Variants in PTPRD observed in about 807,000 individuals in gnomAD.
PTPRD encodes receptor-type tyrosine-protein phosphatase delta.
A neutral mutation model predicts 214.5 loss-of-function variants in PTPRD; 34 were observed. That is an observed-to-expected ratio of 0.16 (90% confidence interval 0.12 to 0.21). PTPRD has a LOEUF of 0.21. Ranked by LOEUF, PTPRD falls within the 10% of genes least tolerant of loss-of-function variation. PTPRD has a pLI of 1.00. For synonymous variants in PTPRD, 1,128 were observed against 845.7 expected, an observed-to-expected ratio of 1.33 and a Z score of -5.79; for missense variants, 2,545 against 2,398.7, an observed-to-expected ratio of 1.06 and a Z score of -1.27.
chr9:8,740,249 C>A (rs1025158018), intron 11 of PTPRD, among the ~76,000 whole-genome samples: 1 of 151,946 alleles, frequency 6.6e-6, no homozygotes, highest in Admixed American at 6.6e-5. Context: ...ATAGTGTTAA[C>A]GAATGTTCCT....
At chr9:9,931,323 T>C (rs1217261150) in intron 5 of PTPRD, among the ~76,000 whole-genome samples, 16 of 152,320 alleles carry the variant, frequency 1.1e-4, no homozygotes, top group African/African-American at 3.1e-4. Context: ...ACAGGGTTCA[T>C]CTCACTAGGG....
At chr9:9,964,543 A>T (rs551046456) in intron 4 of PTPRD, among the ~76,000 whole-genome samples, 1 of 152,332 alleles carries the variant, frequency 6.6e-6, no homozygotes, top group South Asian at 2.1e-4. Context: ...ACTCAGTGGA[A>T]ACGGGAGGAA....
intron 17 of PTPRD, among the ~76,000 whole-genome samples, chr9:8,525,846 T>A (rs1274192230): frequency 6.6e-6 from 1 of 151,888 alleles, no homozygotes; most frequent in Middle Eastern, 3.4e-3. Context: ...AAACAAGAAT[T>A]ACAAAAGAAA....
At position 8,953,353 on chromosome 9, in the gene PTPRD, T is replaced by C. The variant is rs1371432768; in HGVS notation, c.-104+65344A>G. 2.6e-5 allele frequency among the ~76,000 whole-genome samples: 4 copies of C among 151,820 alleles called. No homozygotes were observed. In the East Asian group the frequency reaches 7.7e-4, roughly 29 times the overall value. On this transcript the variant is annotated intron_variant, in intron 11 of 45. Coordinates refer to ENST00000381196, the MANE Select transcript of PTPRD (RefSeq NM_002839.4). Reference sequence around the variant, plus strand: ...CTCTACCTATCATTATGAGCAAAAATTAACTAAGGATGGATTAAAGACCTC... The same window carrying C: ...CTCTACCTATCATTATGAGCAAAAACTAACTAAGGATGGATTAAAGACCTC...
intron 3 of PTPRD, among the ~76,000 whole-genome samples, chr9:10,278,478 T>C (rs774393568): frequency 6.6e-6 from 1 of 152,152 alleles, no homozygotes; most frequent in Admixed American, 6.5e-5. Flanking sequence ...AACTTCTGGC[T>C]TCATCTAATT....
At chr9:10,449,369 G>T (rs1357627591) in intron 2 of PTPRD, among the ~76,000 whole-genome samples, 2 of 151,908 alleles carry the variant, frequency 1.3e-5, no homozygotes, top group Non-Finnish European at 2.9e-5. Flanking sequence ...GGAGTGCAGT[G>T]GCGTGATCTC....
intron 2 of PTPRD, among the ~76,000 whole-genome samples, chr9:10,353,852 A>G (rs897643740): frequency 6.6e-6 from 1 of 151,998 alleles, no homozygotes; most frequent in African/African-American, 2.4e-5. Flanking sequence ...GCTTTGGAAA[A>G]CTACCACAAA....
chr9:9,458,698 T>A (rs932429469), intron 8 of PTPRD, among the ~76,000 whole-genome samples: 2 of 152,064 alleles, frequency 1.3e-5, no homozygotes, highest in Non-Finnish European at 1.5e-5. Flanking sequence ...CCCAGCACTT[T>A]GGGAGGTCAA....
In PTPRD at chr9:9,542,243, G is replaced by A. The variant is rs193240696; in HGVS notation, c.-237+32489C>T. 1.3e-3 allele frequency among the ~76,000 whole-genome samples: 190 copies of A among 151,798 alleles called. 1 individual carries two copies. Among genetic ancestry groups the A allele is most frequent in the African/African-American group, 4.2e-3 (173 of 41,494 alleles). On this transcript the variant is annotated intron_variant, in intron 8 of 45. Coordinates refer to ENST00000381196, the MANE Select transcript of PTPRD (RefSeq NM_002839.4). ...TAGAGAATATCTTGAGCAACTTTAT[G>A]CCAATAAATTGGGTAATTTAGGTGA...
At chr9:8,462,396 T>C (rs2096436840) in intron 32 of PTPRD, among the ~76,000 whole-genome samples, 1 of 152,014 alleles carries the variant, frequency 6.6e-6, no homozygotes, top group African/African-American at 2.4e-5. Context: ...GCTTCTTCCT[T>C]CCTCTCATAG....
At chr9:9,325,457 G>T (rs1969498245) in intron 9 of PTPRD, among the ~76,000 whole-genome samples, 1 of 152,074 alleles carries the variant, frequency 6.6e-6, no homozygotes, top group African/African-American at 2.4e-5. Flanking sequence ...TGTAGCCATT[G>T]TGAATGAGAG....
At chr9:8,331,448 C>A (rs1191799443) in intron 44 of PTPRD, 134 bp downstream of exon 44, 10 of 1,013,962 alleles carry the variant, frequency 9.9e-6, no homozygotes, top group African/African-American at 3.5e-5. Context: ...AAAGAGAAAT[C>A]AATCCTGCTT....
intron 7 of PTPRD, among the ~76,000 whole-genome samples, chr9:9,652,036 T>C (rs892923118): frequency 6.6e-6 from 1 of 151,442 alleles, no homozygotes; most frequent in Non-Finnish European, 1.5e-5. Flanking sequence ...AGAGACAGGG[T>C]TTCACCATGT....
chr9:8,364,471 G>A lies in PTPRD; in HGVS notation c.4661+11465C>T, dbSNP rs574953912. On this transcript the variant is annotated intron_variant, in intron 39 of 45. Coordinates refer to ENST00000381196, the MANE Select transcript of PTPRD (RefSeq NM_002839.4). ...TGCAGCTGGCTGGAGCCTGAGATGAGGAAATTGTAGCTGATGGGCCTCCCA... is the reference window on the plus strand; with the variant it reads ...TGCAGCTGGCTGGAGCCTGAGATGAAGAAATTGTAGCTGATGGGCCTCCCA... Among the ~76,000 whole-genome samples, 154 of 152,342 alleles carry A rather than the reference G, an allele frequency of 1.0e-3. 1 individual carries two copies. Among genetic ancestry groups the A allele is most frequent in the African/African-American group, 3.4e-3 (140 of 41,592 alleles).
intron 9 of PTPRD, among the ~76,000 whole-genome samples, chr9:9,375,077 G>A (rs373737890): frequency 3.3e-5 from 5 of 152,136 alleles, no homozygotes; most frequent in African/African-American, 1.2e-4. Context: ...AACTCTGTGT[G>A]TGTATGTGTA....
At chr9:8,950,352 C>T (rs1342614406) in intron 11 of PTPRD, among the ~76,000 whole-genome samples, 2 of 151,998 alleles carry the variant, frequency 1.3e-5, no homozygotes, top group Admixed American at 1.3e-4. Context: ...CCAACATATT[C>T]CTCACAATTG....
At chr9:9,382,638 A>AAG (rs1344533738) in intron 9 of PTPRD, among the ~76,000 whole-genome samples, 2 of 152,022 alleles carry the variant, frequency 1.3e-5, no homozygotes, top group African/African-American at 2.4e-5. Flanking sequence ...TTTATTGAGA[A>AAG]AGAGAGAGAG....
At chr9:9,526,414 G>C (rs1269605041) in intron 8 of PTPRD, among the ~76,000 whole-genome samples, 1 of 152,006 alleles carries the variant, frequency 6.6e-6, no homozygotes, top group East Asian at 1.9e-4. Context: ...TTTCCAAAGG[G>C]GTTGCACCAT....
At chr9:9,815,575 A>G (rs1385841671) in intron 5 of PTPRD, among the ~76,000 whole-genome samples, 1 of 152,174 alleles carries the variant, frequency 6.6e-6, no homozygotes, top group African/African-American at 2.4e-5. Context: ...AATGTAAAGA[A>G]ATCCTACAGA....
Sources: gnomAD v4.1 joint callset for allele counts (sites outside exome capture counted in the v4.1 genomes callset) on GRCh38, gnomAD v4.1.1 for gene constraint, MANE v1.5 for transcripts, NCBI Gene and HGNC (gene_info 2026-07-23, HGNC 2026-07-21) for gene names.